Variants in MITF observed in about 807,000 individuals in gnomAD.
MITF encodes the protein microphthalmia-associated transcription factor.
A neutral mutation model predicts 60.5 loss-of-function variants in MITF; 17 were observed. The ratio of observed to expected loss-of-function variants is 0.28; its 90% confidence interval spans 0.19 to 0.42. MITF has a LOEUF of 0.42. Among genes scored for constraint, MITF ranks in the 10% least tolerant of loss-of-function variants. The pLI is 1.00. For missense variants in MITF, 622 were observed against 683.5 expected, an observed-to-expected ratio of 0.91 and a Z score of 1.00; for synonymous variants, 260 against 248.5, an observed-to-expected ratio of 1.05 and a Z score of -0.43.
chr3:69,898,348 G>C (rs1168442557), intron 2 of MITF, among the ~76,000 whole-genome samples: 1 of 152,220 alleles, frequency 6.6e-6, no homozygotes, highest in Non-Finnish European at 1.5e-5. Context: ...TGCTGGAGGA[G>C]CAACAGCAAA....
chr3:69,842,843 C>T (rs1378116185), intron 1 of MITF, among the ~76,000 whole-genome samples: 1 of 152,172 alleles, frequency 6.6e-6, no homozygotes, highest in African/African-American at 2.4e-5. Flanking sequence ...AGGGGTTCCA[C>T]AGAGCACTGC....
At chr3:69,905,759 G>A (rs980337558) in intron 2 of MITF, among the ~76,000 whole-genome samples, 1 of 151,910 alleles carries the variant, frequency 6.6e-6, no homozygotes, top group Non-Finnish European at 1.5e-5. Context: ...GTGATGTAGA[G>A]CATCTTCTCA....
chr3:69,884,596 A>T (rs1349737300), intron 2 of MITF, among the ~76,000 whole-genome samples: 1 of 152,228 alleles, frequency 6.6e-6, no homozygotes, highest in East Asian at 1.9e-4. Flanking sequence ...AGGCTGCTTT[A>T]TGAACACTTG....
chr3:69,824,418 CAATTT>C (rs1336733841), intron 1 of MITF, among the ~76,000 whole-genome samples: 1 of 152,144 alleles, frequency 6.6e-6, no homozygotes, highest in Admixed American at 6.5e-5. Flanking sequence ...TGATGATTAT[CAATTT>C]ATTGCCTCTC....
intron 8 of MITF, among the ~76,000 whole-genome samples, chr3:69,957,731 T>A (rs1353136685): frequency 6.6e-6 from 1 of 152,228 alleles, no homozygotes; most frequent in Non-Finnish European, 1.5e-5. Context: ...TATTATGAAA[T>A]TATGGGGCTG....
At chr3:69,768,456 C>A (rs2062336469) in intron 1 of MITF, among the ~76,000 whole-genome samples, 1 of 152,176 alleles carries the variant, frequency 6.6e-6, no homozygotes, top group Admixed American at 6.5e-5. Context: ...AAGAAAAGTT[C>A]TAGATATCTT....
At chr3:69,760,319 G>A (rs1470013195) in intron 1 of MITF, among the ~76,000 whole-genome samples, 1 of 152,192 alleles carries the variant, frequency 6.6e-6, no homozygotes, top group Admixed American at 6.5e-5. Context: ...TGAGCCCCCA[G>A]ATTGGGGCCT....
At chr3:69,950,478 G>GCACA (rs2066218462) in intron 6 of MITF, among the ~76,000 whole-genome samples, 19 of 114,198 alleles carry the variant, frequency 1.7e-4, no homozygotes, top group Non-Finnish European at 3.3e-4. Context: ...ATATATATAT[G>GCACA]CACACACATA....
intron 1 of MITF, among the ~76,000 whole-genome samples, chr3:69,755,433 G>GATT (rs1704102704): frequency 2.8e-5 from 1 of 35,396 alleles, no homozygotes; most frequent in Non-Finnish European, 4.5e-5. Context: ...ACCCTTCTGG[G>GATT]TTTTTTTTTT....
At chr3:69,830,363 G>A (rs115774484) in intron 1 of MITF, among the ~76,000 whole-genome samples, 3,135 of 152,118 alleles carry the variant, frequency 0.021, 44 homozygotes, top group Non-Finnish European at 0.033. Flanking sequence ...TGGAAAGCTC[G>A]GCCTGCTACC....
At chr3:69,747,210 G>A (rs911720353) in intron 1 of MITF, among the ~76,000 whole-genome samples, 2 of 152,172 alleles carry the variant, frequency 1.3e-5, no homozygotes, top group Admixed American at 6.5e-5. Context: ...TGGAGGTGGC[G>A]CACAGTTAAC....
At chr3:69,924,357 G>A (rs575225895) in intron 2 of MITF, among the ~76,000 whole-genome samples, 4 of 152,338 alleles carry the variant, frequency 2.6e-5, no homozygotes, top group East Asian at 3.9e-4. Context: ...AAGCTAAAAA[G>A]CAGATATTTG....
chr3:69,924,683 T>C (rs1374499976), intron 2 of MITF, among the ~76,000 whole-genome samples: 1 of 152,208 alleles, frequency 6.6e-6, no homozygotes, highest in Admixed American at 6.5e-5. Flanking sequence ...TGTCTCGTAG[T>C]TTGTTCAACC....
intron 1 of MITF, among the ~76,000 whole-genome samples, chr3:69,781,831 CAGTT>C (rs1378524756): frequency 2.0e-5 from 3 of 152,236 alleles, no homozygotes; most frequent in Non-Finnish European, 2.9e-5. Context: ...GATTCCAACA[CAGTT>C]AGGAACAGCA....
chr3:69,951,093 CTTT>C (rs527693480), intron 6 of MITF, among the ~76,000 whole-genome samples: 5 of 108,910 alleles, frequency 4.6e-5, no homozygotes, highest in Non-Finnish European at 5.6e-5. Context: ...AATTTGGCAG[CTTT>C]TTTTTTTTTT....
chr3:69,747,331 A>G (rs1703764646), intron 1 of MITF, among the ~76,000 whole-genome samples: 1 of 152,258 alleles, frequency 6.6e-6, no homozygotes, highest in African/African-American at 2.4e-5. Flanking sequence ...ATTCGGTTGT[A>G]TGATCAGGAA....
At chr3:69,940,261 C>T (rs906404730) in intron 4 of MITF, among the ~76,000 whole-genome samples, 1 of 152,130 alleles carries the variant, frequency 6.6e-6, no homozygotes, top group Non-Finnish European at 1.5e-5. Flanking sequence ...TTTGGATTCT[C>T]TCCTCTTTAA....
intron 2 of MITF, among the ~76,000 whole-genome samples, chr3:69,890,575 G>A (rs1425320090): frequency 6.6e-6 from 1 of 151,998 alleles, no homozygotes; most frequent in Non-Finnish European, 1.5e-5. Flanking sequence ...GGTTTTTTTG[G>A]TGGGGTTTTA....
intron 1 of MITF, among the ~76,000 whole-genome samples, chr3:69,876,067 A>AT (rs574707866): frequency 2.7e-4 from 41 of 151,082 alleles, no homozygotes; most frequent in African/African-American, 9.0e-4. Context: ...ATACATACGT[A>AT]TTTTTTTTTC....
Sources: gnomAD v4.1 joint callset for allele counts (sites outside exome capture counted in the v4.1 genomes callset) on GRCh38, gnomAD v4.1.1 for gene constraint, MANE v1.5 for transcripts, NCBI Gene and HGNC (gene_info 2026-07-23, HGNC 2026-07-21) for gene names.